ABTB2: variants seen among roughly 807,000 people sequenced by gnomAD.
The protein encoded by ABTB2 is ankyrin repeat and BTB/POZ domain-containing protein 2.
ABTB2 carries 56 observed loss-of-function variants against 104.1 expected under a neutral mutation model. That is an observed-to-expected ratio of 0.54 (90% confidence interval 0.43 to 0.67). The LOEUF (loss-of-function observed/expected upper bound fraction) is 0.67. Ranked by LOEUF, ABTB2 falls within the 30% of genes least tolerant of loss-of-function variation. The pLI, the probability that ABTB2 is intolerant of heterozygous loss-of-function variation, is 0.00. For synonymous variants in ABTB2, 606 were observed against 608.2 expected (o/e 1.00, Z 0.05); for missense variants, 1,279 against 1,407.7 (o/e 0.91, Z 1.46).
Position 34,357,206 on chromosome 11 carries a change from C to A in ABTB2, c.378G>T (p.Arg126Ser), listed in dbSNP as rs764263029. 1.3e-6 allele frequency: 2 copies of A among 1,509,028 alleles called. No homozygotes were observed. Among genetic ancestry groups the A allele is most frequent in the African/African-American group, 2.8e-5 (2 of 70,444 alleles). 93.5% of individuals were successfully genotyped at this position (1,509,028 alleles called of 1,614,324 possible). ...CCCTGCGGAGCAGCCCGGCCAGGCG[C>A]CTCACCGCCTCGGCGGAGAACTGGG... The part of the protein sequence containing the change: ...RLPQFSAEAV[R>S]RLAGLLRRAL... Residue 126 changes from arginine (R) to serine (S), a missense_variant, in exon 1 of 17, where the codon AGG (arginine) becomes AGT (serine). Arg to Ser is a moderately radical substitution (Grantham distance 110). Coordinates refer to ENST00000435224, the MANE Select transcript of ABTB2 (RefSeq NM_145804.3).
At chr11:34,152,709 G>A (rs1174925520) in intron 16 of ABTB2, 125 bp from the exon 17 acceptor site, 32 of 904,096 alleles carry the variant, frequency 3.5e-5, no homozygotes, top group South Asian at 1.3e-4. Flanking sequence ...CAGGGTAGGC[G>A]TTCCCTGTCC....
At chr11:34,196,266 T>A (rs973793909) in intron 3 of ABTB2, among the ~76,000 whole-genome samples, 1 of 152,120 alleles carries the variant, frequency 6.6e-6, no homozygotes, top group Non-Finnish European at 1.5e-5. Context: ...AGAAAAGGTA[T>A]CCTAAGACCG....
In ABTB2 at chr11:34,244,059, A is replaced by G. The variant is rs79537196; in HGVS notation, c.884-39369T>C. Among the ~76,000 whole-genome samples the G allele has an allele frequency of 9.2e-3, 1,408 of 152,322 alleles. 31 individuals are homozygous for G. The highest frequency in any genetic ancestry group is 0.031 in the African/African-American group (1,281 of 41,568). On this transcript the variant is annotated intron_variant, in intron 1 of 16. Coordinates refer to ENST00000435224, the MANE Select transcript of ABTB2 (RefSeq NM_145804.3). ...ACTGTTTCCTTCAGTGCCTGTCCCA[A>G]GCTAGGCCCTGTGCTAGCCCTGGAG...
intron 14 of ABTB2, among the ~76,000 whole-genome samples, chr11:34,157,662 G>A (rs1852648790): frequency 6.6e-6 from 1 of 152,162 alleles, no homozygotes. Flanking sequence ...GGGAAGGGGA[G>A]ACGCCACCTG....
intron 3 of ABTB2, among the ~76,000 whole-genome samples, chr11:34,178,953 G>A (rs893200647): frequency 6.6e-6 from 1 of 151,986 alleles, no homozygotes; most frequent in South Asian, 2.1e-4. Flanking sequence ...GCACACACCT[G>A]TAGTCCAAGC....
chr11:34,229,963 T>C (rs1191850445), intron 1 of ABTB2, among the ~76,000 whole-genome samples: 1 of 152,212 alleles, frequency 6.6e-6, no homozygotes, highest in African/African-American at 2.4e-5. Flanking sequence ...CACTTTCCTA[T>C]GGCTTTTCTA....
At chr11:34,172,326 C>T (rs1269099240) in intron 4 of ABTB2, among the ~76,000 whole-genome samples, 1 of 130,810 alleles carries the variant, frequency 7.6e-6, no homozygotes, top group African/African-American at 3.0e-5. Flanking sequence ...GAGCCGAGAT[C>T]ACACCATTGC....
At chr11:34,307,735 G>A (rs917128335) in intron 1 of ABTB2, among the ~76,000 whole-genome samples, 13 of 147,672 alleles carry the variant, frequency 8.8e-5, no homozygotes, top group African/African-American at 2.8e-4. Context: ...GTCTCGCTCT[G>A]TCGCCCAGGC....
In ABTB2 at chr11:34,356,709, T is replaced by C; in HGVS notation, c.875A>G (p.Asn292Ser). ...GAGGCCCGCGCGCTTACCATTGGCG[T>C]TCTTGCCGCAGATGAGATGCTCATA... The part of the protein sequence containing the change: ...QPYEHLICGK[N>S]ANGVLSLPAY... Residue 292 changes from asparagine to serine, a missense_variant, in exon 1 of 17, where the codon AAC (asparagine) becomes AGC (serine). Asn to Ser is a conservative substitution (Grantham distance 46). Transcript: ENST00000435224. The surrounding 1 kb of genome is among the most constrained non-coding windows in gnomAD (Gnocchi z 4.6). 6.3e-7 allele frequency: 1 copy of C among 1,589,260 alleles called. No individual in the cohort carries two copies. The highest frequency in any genetic ancestry group is 1.3e-5 in the African/African-American group (1 of 74,578).
intron 1 of ABTB2, among the ~76,000 whole-genome samples, chr11:34,289,988 C>A (rs1360041520): frequency 2.0e-5 from 3 of 152,208 alleles, no homozygotes; most frequent in African/African-American, 7.2e-5. Flanking sequence ...CAGTTGTCTT[C>A]TACAATTTCC....
At position 34,197,558 on chromosome 11, in the gene ABTB2, G is replaced by A; in HGVS notation, c.1031-20C>T. 6.7e-7 allele frequency: 1 copy of A among 1,489,004 alleles called. No homozygotes were observed. The highest frequency in any genetic ancestry group is 9.1e-7 in the Non-Finnish European group (1 of 1,102,030). The allele number at this position is 1,489,004 out of a possible 1,614,324, so 92.2% of individuals were successfully genotyped here. On this transcript the variant is annotated intron_variant, in intron 2 of 16. Coordinates refer to ENST00000435224, the MANE Select transcript of ABTB2 (RefSeq NM_145804.3). ...AGTCACCTGGTGGGGGGCGGGGAGG[G>A]CAGAGGGGAGGAAGAGAAAAAAAGA...
At chr11:34,217,414 C>T (rs564726611) in intron 1 of ABTB2, among the ~76,000 whole-genome samples, 43 of 152,268 alleles carry the variant, frequency 2.8e-4, no homozygotes, top group African/African-American at 1.0e-3. Context: ...TCTTAATAAA[C>T]CTGCTATAAA....
chr11:34,237,907 CAAAA>C (rs1274976897), intron 1 of ABTB2, among the ~76,000 whole-genome samples: 3 of 151,998 alleles, frequency 2.0e-5, no homozygotes, highest in African/African-American at 4.8e-5. Context: ...CAAAAACAAA[CAAAA>C]AACGCTATGC....
chr11:34,194,943 C>A (rs998519124), intron 3 of ABTB2, among the ~76,000 whole-genome samples: 5 of 152,106 alleles, frequency 3.3e-5, no homozygotes, highest in African/African-American at 1.2e-4. Flanking sequence ...TACTACCATG[C>A]AAGCTCAGCT....
Position 34,191,788 on chromosome 11 carries a change from G to A in ABTB2, c.1244+5537C>T, listed in dbSNP as rs560881942. ...CCACAAGCTCAGCCCTGTGTGTCTT[G>A]GCCAACAAGGTCCGCCCACTTCTGT... On this transcript the variant is annotated intron_variant, in intron 3 of 16. Transcript: ENST00000435224. Among the ~76,000 whole-genome samples, 367 of 152,284 alleles carry A rather than the reference G, an allele frequency of 2.4e-3. 1 individual carries two copies. The highest frequency in any genetic ancestry group is 4.2e-3 in the Non-Finnish European group (287 of 68,010).
At chr11:34,213,020 G>A (rs995992100) in intron 1 of ABTB2, among the ~76,000 whole-genome samples, 8 of 152,152 alleles carry the variant, frequency 5.3e-5, no homozygotes, top group Non-Finnish European at 7.3e-5. Context: ...TCCGAACACC[G>A]GGCTGGATTC....
chr11:34,240,378 A>T (rs1853900005), intron 1 of ABTB2, among the ~76,000 whole-genome samples: 1 of 152,196 alleles, frequency 6.6e-6, no homozygotes, highest in Non-Finnish European at 1.5e-5. Flanking sequence ...GCCACTGCAC[A>T]AGCTATGGCT....
intron 3 of ABTB2, among the ~76,000 whole-genome samples, chr11:34,192,398 A>G (rs1853190355): frequency 6.6e-6 from 1 of 152,228 alleles, no homozygotes; most frequent in South Asian, 2.1e-4. Context: ...AAAAAGTGGC[A>G]AGGTAGATCT....
intron 1 of ABTB2, among the ~76,000 whole-genome samples, chr11:34,274,153 C>T (rs535573059): frequency 3.3e-5 from 3 of 91,628 alleles, no homozygotes; most frequent in South Asian, 3.7e-4. Context: ...AGCGAGACTC[C>T]GTCTCAAAAA....
Sources: allele counts gnomAD v4.1 joint callset (sites outside exome capture counted in the v4.1 genomes callset), GRCh38; gene constraint gnomAD v4.1.1; non-coding constraint Gnocchi (gnomAD v3.1); transcripts MANE v1.5; gene names NCBI Gene and HGNC (gene_info 2026-07-23, HGNC 2026-07-21).